Variants in NTPCR observed in about 807,000 individuals in gnomAD.
The protein encoded by NTPCR is cancer-related nucleoside-triphosphatase.
In NTPCR, 15 loss-of-function variants were observed where a neutral mutation model predicts 19.5. That is an observed-to-expected ratio of 0.77 (90% CI 0.51 to 1.18). NTPCR has a LOEUF of 1.18. NTPCR is among the 50% of genes most tolerant of loss of function. The probability of loss-of-function intolerance (pLI) is 0.00; values close to 1 mark genes in which losing one functional copy is unlikely to be tolerated. For missense variants in NTPCR, 206 were observed against 240.4 expected, an observed-to-expected ratio of 0.86 and a Z score of 0.95; for synonymous variants, 90 against 95.8, an observed-to-expected ratio of 0.94 and a Z score of 0.36.
chr1:232,963,163 A>G (rs909300089), intron 3 of NTPCR: 1 of 152,224 alleles, frequency 6.6e-6, no homozygotes, highest in African/African-American at 2.4e-5. Flanking sequence ...ATTAAAAGCT[A>G]TCTGGCGCAA....
chr1:232,963,505 T>C (rs933333933), intron 3 of NTPCR: 9 of 152,224 alleles, frequency 5.9e-5, no homozygotes, highest in African/African-American at 2.2e-4. Context: ...GTTGAGTTTG[T>C]ATAAACTGTT....
chr1:232,964,405 AG>A (rs1388326718), intron 3 of NTPCR: 1 of 152,158 alleles, frequency 6.6e-6, no homozygotes, highest in Non-Finnish European at 1.5e-5. Flanking sequence ...TCCACTGTAT[AG>A]TTACTATTTT....
At chr1:232,977,514 A>C (rs1208137049) in intron 4 of NTPCR, 1 of 152,236 alleles carries the variant, frequency 6.6e-6, no homozygotes, top group Non-Finnish European at 1.5e-5. Context: ...AAAAATAAAC[A>C]GATCATCGGG....
chr1:232,959,742 C>G (rs1668615368), intron 3 of NTPCR, among the ~76,000 whole-genome samples: 1 of 151,962 alleles, frequency 6.6e-6, no homozygotes, highest in Admixed American at 6.6e-5. Context: ...AACACAAATT[C>G]CGATAATAAG....
chr1:232,976,997 G>A (rs1669142885), intron 4 of NTPCR: 1 of 155,148 alleles, frequency 6.4e-6, no homozygotes, highest in South Asian at 2.0e-4. Context: ...GTGAGCAGGT[G>A]CCAGGAACCA....
intron 3 of NTPCR, among the ~76,000 whole-genome samples, chr1:232,958,601 CTG>C (rs1285620304): frequency 6.6e-6 from 1 of 152,196 alleles, no homozygotes; most frequent in African/African-American, 2.4e-5. Context: ...TCTTCCTACG[CTG>C]TGTTTCCTCC....
At chr1:232,976,351 T>TACATAGAAGTAGTAC in intron 4 of NTPCR, 1 of 1,541,938 alleles carries the variant, frequency 6.5e-7, no homozygotes, top group South Asian at 1.2e-5. Context: ...GTCACCGTAC[T>TACATAGAAGTAGTAC]GTGTCATAGA....
intron 3 of NTPCR, among the ~76,000 whole-genome samples, chr1:232,956,993 G>T (rs1668527929): frequency 6.6e-6 from 1 of 152,192 alleles, no homozygotes; most frequent in Admixed American, 6.5e-5. Context: ...AATAAAAGTG[G>T]TGAGAGTAGA....
chr1:232,976,685 A>T, intron 4 of NTPCR: 3 of 1,097,424 alleles, frequency 2.7e-6, no homozygotes, highest in Non-Finnish European at 3.7e-6. Context: ...GGACCAGTAG[A>T]AATGGGATCA....
Position 232,983,423 on chromosome 1 carries a change from T to G in NTPCR, c.*5192T>G, listed in dbSNP as rs1669335260. 1 of 152,230 alleles carries G rather than the reference T, an allele frequency of 6.6e-6. No homozygotes were observed. The highest frequency in any genetic ancestry group is 1.5e-5 in the Non-Finnish European group (1 of 68,040). The allele number at this position is 152,230 out of a possible 1,614,324, so 9.4% of individuals were successfully genotyped here. On this transcript the variant is annotated 3_prime_UTR_variant, in exon 5 of 5. Transcript: ENST00000366628. ...GAAGCTTCAGTATAACTCAAAACACTGGACGCAGCAATAACTATAAACATT... is the reference window on the plus strand; with the variant it reads ...GAAGCTTCAGTATAACTCAAAACACGGGACGCAGCAATAACTATAAACATT...
intron 1 of NTPCR, among the ~76,000 whole-genome samples, chr1:232,954,141 G>A (rs1372279509): frequency 6.6e-6 from 1 of 152,204 alleles, no homozygotes; most frequent in African/African-American, 2.4e-5. Flanking sequence ...GCATGAAACA[G>A]ATTCTTTAGT....
chr1:232,960,186 C>T (rs1326605327), intron 3 of NTPCR, among the ~76,000 whole-genome samples: 1 of 135,864 alleles, frequency 7.4e-6, no homozygotes, highest in East Asian at 2.3e-4. Flanking sequence ...TGCATTCCAG[C>T]CTGGGTGACA....
At position 232,983,520 on chromosome 1, in the gene NTPCR, C is replaced by T. The variant is rs990217164; in HGVS notation, c.*5289C>T. The T allele has an allele frequency of 5.9e-5, 9 of 152,218 alleles. No homozygotes were observed. Among genetic ancestry groups the T allele is most frequent in the East Asian group, 1.9e-4 (1 of 5,204 alleles). The allele number at this position is 152,218 out of a possible 1,614,324, so 9.4% of individuals were successfully genotyped here. On this transcript the variant is annotated 3_prime_UTR_variant, in exon 5 of 5. Coordinates refer to ENST00000366628, the MANE Select transcript of NTPCR (RefSeq NM_032324.3). ...GGTTGCGGGGCTTGGAGAACAAGCA[C>T]GCGTCCCTGTGAAGCCCGCAGGGTG... is the stretch of plus-strand genomic sequence containing the variant.
At chr1:232,962,388 G>T (rs529763171) in intron 3 of NTPCR, 5 of 152,180 alleles carry the variant, frequency 3.3e-5, no homozygotes, top group African/African-American at 1.2e-4. Context: ...ATTTTTATTG[G>T]TGAGGTTATT....
chr1:232,977,421 G>C (rs567463220), intron 4 of NTPCR: 1 of 152,248 alleles, frequency 6.6e-6, no homozygotes, highest in South Asian at 2.1e-4. Context: ...ATATTATATG[G>C]GCCAAGTAGG....
chr1:232,983,129 C>A lies in NTPCR; in HGVS notation c.*4898C>A, dbSNP rs533457562. 3 of 152,072 alleles carry A rather than the reference C, an allele frequency of 2.0e-5. No individual in the cohort carries two copies. The highest frequency in any genetic ancestry group is 4.4e-5 in the Non-Finnish European group (3 of 68,016). The allele number at this position is 152,072 out of a possible 1,614,324, so 9.4% of individuals were successfully genotyped here. On this transcript the variant is annotated 3_prime_UTR_variant, in exon 5 of 5. Transcript: ENST00000366628. ...TTTCCAAGGGGCAAGAGATTCTCTA[C>A]AATACCCTTCCCCCAACCCTCTCCT...
At chr1:232,955,822 T>A (rs1384629687) in intron 2 of NTPCR, 103 bp downstream of exon 2, 23 of 1,146,556 alleles carry the variant, frequency 2.0e-5, no homozygotes, top group Non-Finnish European at 2.8e-5. Flanking sequence ...AAGCAGATAC[T>A]CTGTTGGGTC....
chr1:232,976,494 G>A (rs941592736), intron 4 of NTPCR: 16 of 1,542,624 alleles, frequency 1.0e-5, no homozygotes, highest in Admixed American at 6.2e-5. Context: ...CCTCTGTGTC[G>A]CCTCCTTTCT....
intron 1 of NTPCR, among the ~76,000 whole-genome samples, chr1:232,951,457 G>T (rs1668364202): frequency 6.6e-6 from 1 of 152,274 alleles, no homozygotes; most frequent in Middle Eastern, 3.4e-3. Context: ...CAGATGAGAG[G>T]TGTAGGAGGA....
Sources: gnomAD v4.1 joint callset for allele counts (sites outside exome capture counted in the v4.1 genomes callset) on GRCh38, gnomAD v4.1.1 for gene constraint, MANE v1.5 for transcripts, NCBI Gene and HGNC (gene_info 2026-07-23, HGNC 2026-07-21) for gene names.